COL27A1: variants seen among roughly 807,000 people sequenced by gnomAD.
COL27A1 encodes the protein collagen type XXVII alpha 1 chain, also known as collagen alpha-1(XXVII) chain.
In COL27A1, 106 loss-of-function variants were observed where a neutral mutation model predicts 251.3. That is an observed-to-expected ratio of 0.42 (90% CI 0.36 to 0.50). The LOEUF (loss-of-function observed/expected upper bound fraction) is 0.50. COL27A1 is among the 20% of genes least tolerant of loss of function. The pLI, the probability that COL27A1 is intolerant of heterozygous loss-of-function variation, is 0.00. For missense variants in COL27A1, 2,325 were observed against 2,522.8 expected (o/e 0.92, Z 1.68); for synonymous variants, 1,000 against 986.3 (o/e 1.01, Z -0.26).
chr9:114,309,854 G>A (rs1280637956), intron 60 of COL27A1, among the ~76,000 whole-genome samples: 1 of 152,170 alleles, frequency 6.6e-6, no homozygotes, highest in Non-Finnish European at 1.5e-5. Flanking sequence ...GGGTTGTCAG[G>A]GGAGGGGAAG....
rs764962397 is a variant in COL27A1 at position 114,167,878 on chromosome 9, G to A, written c.323G>A (p.Arg108Gln). ...CTGGTGCTGAGCCTCTGCTCCCACC[G>A]GGTGAACCATGCCTTCCTCTTCGCT... ...LALVLSLCSH[R>Q]VNHAFLFAVR... The change falls in exon 3 of 61, where the codon CGG becomes CAG. Residue 108 changes from arginine to glutamine, a missense_variant. This residue lies in a region of COL27A1 where 1,183 missense variants were observed against 1,144.1 expected (regional missense o/e 1.03). Coordinates refer to ENST00000356083, the MANE Select transcript of COL27A1 (RefSeq NM_032888.4). 1.7e-5 allele frequency: 28 copies of A among 1,613,250 alleles called. No individual in the cohort carries two copies. The highest frequency in any genetic ancestry group is 5.3e-5 in the African/African-American group (4 of 74,930).
At position 114,308,977 on chromosome 9, in the gene COL27A1, C is replaced by A. The variant is rs375179203; in HGVS notation, c.5218-283C>A. 3.3e-5 allele frequency among the ~76,000 whole-genome samples: 5 copies of A among 152,262 alleles called. No individual in the cohort carries two copies. The East Asian group carries it at 9.7e-4, about 29-fold the overall frequency. ...TGGATCCTAGCTCAGCCCAAAGACC[C>A]CCCATACAGTAAGGGAGTGGATCAG... is the stretch of plus-strand genomic sequence containing the variant. On this transcript the variant is annotated intron_variant, in intron 59 of 60. Coordinates refer to ENST00000356083, the MANE Select transcript of COL27A1 (RefSeq NM_032888.4).
intron 37 of COL27A1, among the ~76,000 whole-genome samples, chr9:114,280,029 T>C (rs1226095799): frequency 6.6e-6 from 1 of 152,180 alleles, no homozygotes; most frequent in African/African-American, 2.4e-5. Flanking sequence ...TCAATTCAGA[T>C]GTGAATTTTC....
At chr9:114,221,235 G>A (rs1253827773) in intron 13 of COL27A1, among the ~76,000 whole-genome samples, 1 of 152,142 alleles carries the variant, frequency 6.6e-6, no homozygotes, top group African/African-American at 2.4e-5. Context: ...AGTAACATTT[G>A]CATTGGGATG....
At position 114,183,087 on chromosome 9, in the gene COL27A1, C is replaced by T; in HGVS notation, c.2016+12C>T. ...CTCCTGGAGCCAAAGTGAGTATTTG[C>T]TGGAGATGTGGCCATGGAGTGGGTG... On this transcript the variant is annotated intron_variant, in intron 5 of 60. Coordinates refer to ENST00000356083, the MANE Select transcript of COL27A1 (RefSeq NM_032888.4). 1 of 1,611,640 alleles carries T rather than the reference C, an allele frequency of 6.2e-7. No homozygotes were observed. The highest frequency in any genetic ancestry group is 8.5e-7 in the Non-Finnish European group (1 of 1,178,732).
At chr9:114,231,507 T>A (rs1766399871) in intron 15 of COL27A1, among the ~76,000 whole-genome samples, 1 of 152,152 alleles carries the variant, frequency 6.6e-6, no homozygotes, top group African/African-American at 2.4e-5. Flanking sequence ...AGGCCAAGAC[T>A]GCTAGAGCAC....
chr9:114,220,570 G>A (rs1831024338), intron 13 of COL27A1, among the ~76,000 whole-genome samples: 1 of 152,320 alleles, frequency 6.6e-6, no homozygotes, highest in African/African-American at 2.4e-5. Flanking sequence ...GGGGATTATA[G>A]CCTTGACCTC....
At position 114,206,300 on chromosome 9, in the gene COL27A1, A is replaced by T; in HGVS notation, c.2268+4A>T. ...TCCCGGCCCCAAAGGCAGCAGGGTA[A>T]GTGGTTCCTGGCCAGTGCCACATGG... On this transcript the variant is annotated splice_donor_region_variant and intron_variant, in intron 10 of 60. Transcript: ENST00000356083. 1 of 1,614,084 alleles carries T rather than the reference A, an allele frequency of 6.2e-7. No individual in the cohort carries two copies. The highest frequency in any genetic ancestry group is 8.5e-7 in the Non-Finnish European group (1 of 1,179,966).
At chr9:114,255,347 G>A (rs1470380643) in intron 27 of COL27A1, among the ~76,000 whole-genome samples, 2 of 152,286 alleles carry the variant, frequency 1.3e-5, no homozygotes, top group African/African-American at 4.8e-5. Flanking sequence ...AGCATGGGGG[G>A]TGCCCAGAGT....
Position 114,240,469 on chromosome 9 carries a change from TG to T in COL27A1, c.2820del (p.Gln941SerfsTer37). ...PGARGLPGPR[G>X]QLGPEGDEGP... ...GAGCCCGAGGCCTGCCGGGACCCCG[TG>T]GGCAGCTGGGGCCCGAGGTGAGACT... On this transcript the variant is annotated frameshift_variant, in exon 21 of 61. Transcript: ENST00000356083. LOFTEE classifies it high-confidence loss of function. 1 of 1,612,008 alleles carries T rather than the reference TG, an allele frequency of 6.2e-7. No homozygotes were observed.
At chr9:114,296,325 C>T (rs753153093) in intron 49 of COL27A1, among the ~76,000 whole-genome samples, 1 of 152,060 alleles carries the variant, frequency 6.6e-6, no homozygotes, top group African/African-American at 2.4e-5. Flanking sequence ...GATTTGTATC[C>T]GGAACCTAAA....
chr9:114,278,411 G>GGGGTGGGAGTGGAGTGGAGGTGAGGGTGA, intron 37 of COL27A1, among the ~76,000 whole-genome samples: 1 of 139,112 alleles, frequency 7.2e-6, no homozygotes, highest in African/African-American at 2.7e-5. Flanking sequence ...GATGGTGGTG[G>GGGGTGGGAGTGGAGTGGAGGTGAGGGTGA]TGATAGTGAT....
At chr9:114,246,212 A>G in intron 24 of COL27A1, 1 of 315,594 alleles carries the variant, frequency 3.2e-6, no homozygotes, top group East Asian at 6.7e-5. Flanking sequence ...AGGACATTAA[A>G]ACTGGAGGAG....
intron 37 of COL27A1, among the ~76,000 whole-genome samples, chr9:114,276,684 G>C (rs1300338566): frequency 1.3e-5 from 2 of 152,204 alleles, no homozygotes; most frequent in Non-Finnish European, 2.9e-5. Context: ...TGTTGATTGA[G>C]AAGACGGAGG....
chr9:114,183,038 A>T lies in COL27A1; in HGVS notation c.1979A>T (p.Tyr660Phe), dbSNP rs754949962. Residue 660 changes from tyrosine to phenylalanine, a missense_variant, in exon 5 of 61, where the codon TAT becomes TTT. Around this residue, in one of 4 missense-constraint regions of COL27A1, gnomAD observed 1,183 missense variants for 1,144.1 expected, o/e 1.03. Transcript: ENST00000356083. ...CTCTTTCAGGGTCCTCCTGGGCCTTATGGAAATCCAGGTCTCCCCGGCCCT... is the reference window on the plus strand; with the variant it reads ...CTCTTTCAGGGTCCTCCTGGGCCTTTTGGAAATCCAGGTCTCCCCGGCCCT... ...ARGPRGPPGP[Y>F]GNPGLPGPPG... is the part of the protein sequence containing the mutation. The T allele has an allele frequency of 8.7e-6, 14 of 1,613,604 alleles. No homozygotes were observed. In the South Asian group the frequency reaches 1.5e-4, roughly 18 times the overall value.
chr9:114,165,180 C>T (rs1184855987), intron 2 of COL27A1, among the ~76,000 whole-genome samples: 3 of 152,176 alleles, frequency 2.0e-5, no homozygotes, highest in African/African-American at 7.2e-5. Flanking sequence ...TGCTGGTCTT[C>T]TCAGGCTCTA....
intron 13 of COL27A1, 90 bp downstream of exon 13, chr9:114,219,934 C>T (rs1034044012): frequency 3.0e-6 from 3 of 985,938 alleles, no homozygotes; most frequent in Non-Finnish European, 4.9e-6. Flanking sequence ...GTCAGACAGA[C>T]CTGGGTCAAA....
chr9:114,262,751 T>C (rs1053162470), intron 28 of COL27A1, among the ~76,000 whole-genome samples: 1 of 152,240 alleles, frequency 6.6e-6, no homozygotes, highest in Admixed American at 6.5e-5. Flanking sequence ...GGCTTGGGGA[T>C]GCTGAGGACA....
At chr9:114,252,763 C>T in intron 26 of COL27A1, 116 bp from the exon 27 acceptor site, 1 of 1,399,722 alleles carries the variant, frequency 7.1e-7, no homozygotes, top group Non-Finnish European at 1.0e-6. Flanking sequence ...CCCTCTTTGT[C>T]CAGGGGGCCT....
Sources: gnomAD v4.1 joint callset for allele counts (sites outside exome capture counted in the v4.1 genomes callset) on GRCh38, gnomAD v4.1.1 for gene constraint, gnomAD v4.1.1 regional missense constraint, MANE v1.5 for transcripts, NCBI Gene and HGNC (gene_info 2026-07-23, HGNC 2026-07-21) for gene names.